Variants in MNAT1 observed in about 807,000 individuals in gnomAD.
MNAT1 encodes the protein MNAT1 component of CDK activating kinase.
In MNAT1, 43 loss-of-function variants were observed where a neutral mutation model predicts 42.0. The observed-to-expected ratio is 1.02, with a 90% CI of 0.80 to 1.32. The LOEUF (loss-of-function observed/expected upper bound fraction) is 1.32. Among genes scored for constraint, MNAT1 ranks in the 40% most tolerant of loss-of-function variants. The pLI is 0.00. For synonymous variants in MNAT1, 118 were observed against 120.0 expected, an observed-to-expected ratio of 0.98 and a Z score of 0.11; for missense variants, 306 against 350.4, an observed-to-expected ratio of 0.87 and a Z score of 1.01.
intron 6 of MNAT1, among the ~76,000 whole-genome samples, chr14:60,853,040 G>A (rs986333109): frequency 6.6e-5 from 10 of 152,140 alleles, no homozygotes; most frequent in South Asian, 6.2e-4. Flanking sequence ...CTCTTTTTTG[G>A]TTCCATATGA....
At position 60,796,385 on chromosome 14, in the gene MNAT1, C is replaced by T. The variant is rs773127862; in HGVS notation, c.242+16C>T. 7.5e-6 allele frequency: 12 copies of T among 1,600,056 alleles called. No homozygotes were observed. Among genetic ancestry groups the T allele is most frequent in the Admixed American group, 5.2e-5 (3 of 58,168 alleles). On this transcript the variant is annotated intron_variant, in intron 2 of 7. Transcript: ENST00000261245. The stretch of plus-strand genomic sequence containing the variant: ...TGCTAAAGATGTAAGTATTCCTGCT[C>T]GAATGATTCAGTCAACAAAGAGGAC...
intron 7 of MNAT1, chr14:60,919,140 A>G (rs1357280551): frequency 6.6e-6 from 1 of 151,880 alleles, no homozygotes; most frequent in Non-Finnish European, 1.5e-5. Context: ...TTGGTGTGCC[A>G]GAGCCGGCAA....
At chr14:60,941,972 C>T (rs539667785) in intron 7 of MNAT1, among the ~76,000 whole-genome samples, 2 of 127,464 alleles carry the variant, frequency 1.6e-5, no homozygotes, top group African/African-American at 5.9e-5. Context: ...CCACTGTACT[C>T]CAGCCTGGGC....
At chr14:60,951,439 G>A (rs2036383192) in intron 7 of MNAT1, among the ~76,000 whole-genome samples, 1 of 150,790 alleles carries the variant, frequency 6.6e-6, no homozygotes, top group South Asian at 2.1e-4. Flanking sequence ...TTTTGTCGGG[G>A]GAGAGCTCTA....
chr14:60,966,663 C>T (rs1377055991), intron 7 of MNAT1, among the ~76,000 whole-genome samples: 1 of 152,024 alleles, frequency 6.6e-6, no homozygotes, highest in Non-Finnish European at 1.5e-5. Context: ...CAGGCATGTG[C>T]CACCACGCCC....
At chr14:60,893,118 C>A (rs1476173011) in intron 7 of MNAT1, among the ~76,000 whole-genome samples, 1 of 151,856 alleles carries the variant, frequency 6.6e-6, no homozygotes, top group Non-Finnish European at 1.5e-5. Context: ...CTTGTATGCT[C>A]TATTTTGTGC....
intron 7 of MNAT1, among the ~76,000 whole-genome samples, chr14:60,920,357 A>G (rs1265861391): frequency 1.3e-5 from 2 of 152,158 alleles, no homozygotes; most frequent in Non-Finnish European, 2.9e-5. Flanking sequence ...TCCACCTTAT[A>G]TTCACCTAAT....
At chr14:60,896,586 C>T (rs948130689) in intron 7 of MNAT1, among the ~76,000 whole-genome samples, 6 of 152,112 alleles carry the variant, frequency 3.9e-5, no homozygotes, top group African/African-American at 1.2e-4. Context: ...CCTGGGTTCA[C>T]GCAACTCTCC....
intron 7 of MNAT1, among the ~76,000 whole-genome samples, chr14:60,924,299 C>T (rs928253355): frequency 1.3e-5 from 2 of 148,220 alleles, no homozygotes; most frequent in Admixed American, 1.4e-4. Flanking sequence ...ATGTCACATA[C>T]ATGTAAAGTT....
intron 6 of MNAT1, among the ~76,000 whole-genome samples, chr14:60,855,946 TCTC>T (rs2033948532): frequency 6.6e-6 from 1 of 152,200 alleles, no homozygotes; most frequent in Admixed American, 6.5e-5. Flanking sequence ...TCTCTCTCCT[TCTC>T]CTCAGGCCTC....
chr14:60,952,694 C>T (rs2036406737), intron 7 of MNAT1, among the ~76,000 whole-genome samples: 1 of 151,946 alleles, frequency 6.6e-6, no homozygotes, highest in Admixed American at 6.6e-5. Flanking sequence ...CTTTGTAGTG[C>T]CAGTGGGATA....
In MNAT1 at chr14:60,968,609, C is replaced by A; in HGVS notation, c.*260C>A. ...TGATGGAAGAGAGGAATAAATAATT[C>A]ACCTATATGTGTTTGAGGTTGTGAC... On this transcript the variant is annotated 3_prime_UTR_variant, in exon 8 of 8. Coordinates refer to ENST00000261245, the MANE Select transcript of MNAT1 (RefSeq NM_002431.4). The A allele has an allele frequency of 2.1e-6, 2 of 975,328 alleles. No individual in the cohort carries two copies. The highest frequency in any genetic ancestry group is 2.9e-6 in the Non-Finnish European group (2 of 697,412). 60.4% of individuals were successfully genotyped at this position (975,328 alleles called of 1,614,324 possible).
At chr14:60,739,925 G>A (rs1166014318) in intron 1 of MNAT1, among the ~76,000 whole-genome samples, 4 of 152,130 alleles carry the variant, frequency 2.6e-5, no homozygotes, top group Non-Finnish European at 5.9e-5. Flanking sequence ...AGGCTGAGGC[G>A]GGTGGATCAC....
intron 6 of MNAT1, among the ~76,000 whole-genome samples, chr14:60,879,330 T>C (rs1268430092): frequency 2.0e-5 from 3 of 152,228 alleles, no homozygotes; most frequent in Non-Finnish European, 4.4e-5. Context: ...AGACATGTTA[T>C]AACAAGTTAA....
At chr14:60,773,231 C>G (rs1229974042) in intron 1 of MNAT1, among the ~76,000 whole-genome samples, 1 of 152,148 alleles carries the variant, frequency 6.6e-6, no homozygotes, top group Non-Finnish European at 1.5e-5. Flanking sequence ...GCCACCACGC[C>G]TGGCCTGTTT....
chr14:60,885,475 T>G (rs1422035944), intron 7 of MNAT1, among the ~76,000 whole-genome samples: 2 of 152,038 alleles, frequency 1.3e-5, no homozygotes, highest in East Asian at 3.9e-4. Context: ...ATTAAGAGAC[T>G]CTGGTTTTTG....
intron 6 of MNAT1, among the ~76,000 whole-genome samples, chr14:60,852,952 T>C (rs1391295422): frequency 6.6e-6 from 1 of 152,186 alleles, no homozygotes; most frequent in Non-Finnish European, 1.5e-5. Flanking sequence ...ACTGTAGCCT[T>C]GTAGTATAGT....
chr14:60,807,801 C>G (rs922733907), intron 3 of MNAT1, among the ~76,000 whole-genome samples: 1 of 151,834 alleles, frequency 6.6e-6, no homozygotes, highest in South Asian at 2.1e-4. Context: ...AGTTCCAACT[C>G]CTTTATTTCA....
chr14:60,760,023 G>A (rs530670628), intron 1 of MNAT1, among the ~76,000 whole-genome samples: 42 of 152,204 alleles, frequency 2.8e-4, no homozygotes, highest in African/African-American at 9.1e-4. Context: ...GCTTGGGTAG[G>A]GAGAATATGA....
Sources: allele counts gnomAD v4.1 joint callset (sites outside exome capture counted in the v4.1 genomes callset), GRCh38; gene constraint gnomAD v4.1.1; transcripts MANE v1.5; gene names NCBI Gene and HGNC (gene_info 2026-07-23, HGNC 2026-07-21).